NRXN1: variants seen among roughly 807,000 people sequenced by gnomAD.
The protein encoded by NRXN1 is neurexin 1, also known as neurexin-1.
Under a neutral mutation model 150.9 loss-of-function variants are expected in NRXN1, and 39 were observed. The ratio of observed to expected loss-of-function variants is 0.26; its 90% CI spans 0.20 to 0.34. The LOEUF (loss-of-function observed/expected upper bound fraction) is 0.34. Among genes scored for constraint, NRXN1 ranks in the 10% least tolerant of loss-of-function variants. The probability of loss-of-function intolerance (pLI) is 1.00; values close to 1 mark genes in which losing one functional copy is unlikely to be tolerated. For synonymous variants in NRXN1, 924 were observed against 757.0 expected, an observed-to-expected ratio of 1.22 and a Z score of -3.62; for missense variants, 1,815 against 1,949.9, an observed-to-expected ratio of 0.93 and a Z score of 1.30.
intron 17 of NRXN1, among the ~76,000 whole-genome samples, chr2:50,294,350 T>A (rs1679743413): frequency 2.6e-5 from 4 of 152,230 alleles, no homozygotes; most frequent in African/African-American, 9.6e-5. Flanking sequence ...ACAAATTATT[T>A]ATTTACAGTA....
chr2:50,090,692 G>T (rs908329198), intron 19 of NRXN1, among the ~76,000 whole-genome samples: 1 of 151,890 alleles, frequency 6.6e-6, no homozygotes, highest in Non-Finnish European at 1.5e-5. Context: ...TATCAATAAC[G>T]GCTTGACATT....
At chr2:50,280,851 G>C (rs1014667193) in intron 17 of NRXN1, among the ~76,000 whole-genome samples, 1 of 151,994 alleles carries the variant, frequency 6.6e-6, no homozygotes, top group Admixed American at 6.6e-5. Flanking sequence ...TTTTTGTTTG[G>C]TTTGGTTGTT....
intron 17 of NRXN1, among the ~76,000 whole-genome samples, chr2:50,267,689 G>A (rs371445882): frequency 6.6e-6 from 1 of 152,150 alleles, no homozygotes; most frequent in African/African-American, 2.4e-5. Flanking sequence ...TATAGGGAAC[G>A]AAAATCTTAC....
At chr2:50,160,252 C>G (rs1240779967) in intron 18 of NRXN1, among the ~76,000 whole-genome samples, 1 of 151,812 alleles carries the variant, frequency 6.6e-6, no homozygotes, top group Non-Finnish European at 1.5e-5. Context: ...TAAAAAAAGG[C>G]TTTCTGGGCC....
chr2:51,011,785 G>T (rs1265361403), intron 2 of NRXN1, among the ~76,000 whole-genome samples: 2 of 151,964 alleles, frequency 1.3e-5, no homozygotes, highest in Non-Finnish European at 2.9e-5. Flanking sequence ...AGCCAAAGGA[G>T]CAGTACTATT....
intron 19 of NRXN1, among the ~76,000 whole-genome samples, chr2:50,081,947 G>C (rs1368242197): frequency 6.6e-6 from 1 of 151,944 alleles, no homozygotes; most frequent in Non-Finnish European, 1.5e-5. Context: ...GATACTTTTA[G>C]GTAATAGTCA....
intron 17 of NRXN1, among the ~76,000 whole-genome samples, chr2:50,351,489 A>G (rs149562959): frequency 0.018 from 2,759 of 152,268 alleles, 43 homozygotes; most frequent in Middle Eastern, 0.092. Context: ...TGGTCCAACG[A>G]AAGTTAGGAG....
At chr2:50,159,042 T>C (rs952399873) in intron 18 of NRXN1, among the ~76,000 whole-genome samples, 1 of 152,032 alleles carries the variant, frequency 6.6e-6, no homozygotes, top group South Asian at 2.1e-4. Flanking sequence ...ATCAGAGAGA[T>C]AGAAAATGCT....
intron 13 of NRXN1, among the ~76,000 whole-genome samples, chr2:50,502,743 T>A (rs1219283219): frequency 6.6e-6 from 1 of 152,138 alleles, no homozygotes; most frequent in Non-Finnish European, 1.5e-5. Context: ...AAATGTGCAT[T>A]ATGTGTATGT....
At chr2:50,135,496 T>C (rs1256694462) in intron 18 of NRXN1, among the ~76,000 whole-genome samples, 1 of 152,002 alleles carries the variant, frequency 6.6e-6, no homozygotes, top group African/African-American at 2.4e-5. Context: ...ATCCAGACCA[T>C]CCTGGCTAAC....
At chr2:50,991,788 T>C (rs767053285) in intron 2 of NRXN1, among the ~76,000 whole-genome samples, 2 of 152,008 alleles carry the variant, frequency 1.3e-5, no homozygotes, top group Admixed American at 6.6e-5. Flanking sequence ...GCTTTTACAA[T>C]ACAAGCTATT....
chr2:50,772,368 C>T (rs1703112438), intron 5 of NRXN1, among the ~76,000 whole-genome samples: 1 of 151,632 alleles, frequency 6.6e-6, no homozygotes, highest in African/African-American at 2.4e-5. Context: ...ATGCCTATGA[C>T]TGCTAGGTGC....
chr2:50,726,432 T>A (rs1399107292), intron 5 of NRXN1, among the ~76,000 whole-genome samples: 1 of 152,182 alleles, frequency 6.6e-6, no homozygotes, highest in Non-Finnish European at 1.5e-5. Context: ...TACCTTATCA[T>A]AAGGTTTTTG....
intron 5 of NRXN1, among the ~76,000 whole-genome samples, chr2:50,910,318 T>A (rs1684338744): frequency 6.6e-6 from 1 of 152,042 alleles, no homozygotes; most frequent in Non-Finnish European, 1.5e-5. Flanking sequence ...GCATTCACTA[T>A]TCACTAGAAA....
rs1484897266 is a variant in NRXN1 at position 50,283,625 on chromosome 2, C to A, written c.3365-46655G>T. ...TACTACTCCTCAAATAGAACGATAT[C>A]AGGTCTCCTATATATCAGTGATTAT... On this transcript the variant is annotated intron_variant, in intron 17 of 22. Coordinates refer to ENST00000401669, the MANE Select transcript of NRXN1 (RefSeq NM_001330078.2). 2.0e-5 allele frequency among the ~76,000 whole-genome samples: 3 copies of A among 152,118 alleles called. 1 individual carries two copies. Among genetic ancestry groups the A allele is most frequent in the Admixed American group, 2.0e-4 (3 of 15,244 alleles).
chr2:49,980,590 A>T (rs1679836579), intron 21 of NRXN1, among the ~76,000 whole-genome samples: 1 of 152,164 alleles, frequency 6.6e-6, no homozygotes, highest in Non-Finnish European at 1.5e-5. Context: ...TAAAGTATGA[A>T]GTATTTTAGT....
chr2:50,341,397 T>TAAAA (rs71904122), intron 17 of NRXN1, among the ~76,000 whole-genome samples: 27 of 145,176 alleles, frequency 1.9e-4, no homozygotes, highest in African/African-American at 6.5e-4. Flanking sequence ...AAGTATTTCT[T>TAAAA]AAAAAAAAAA....
intron 8 of NRXN1, among the ~76,000 whole-genome samples, chr2:50,558,797 G>C (rs11125319): frequency 0.38 from 57,226 of 152,048 alleles, 11,611 homozygotes; most frequent in East Asian, 0.59. Flanking sequence ...CAGTGGCTCA[G>C]GCCTGTAATC....
At chr2:50,278,542 A>G (rs2070973064) in intron 17 of NRXN1, among the ~76,000 whole-genome samples, 1 of 151,246 alleles carries the variant, frequency 6.6e-6, no homozygotes, top group Non-Finnish European at 1.5e-5. Flanking sequence ...AAGGTTAATC[A>G]AGGGCCCCTG....
Sources: allele counts gnomAD v4.1 joint callset (sites outside exome capture counted in the v4.1 genomes callset), GRCh38; gene constraint gnomAD v4.1.1; transcripts MANE v1.5; gene names NCBI Gene and HGNC (gene_info 2026-07-23, HGNC 2026-07-21).